The following ATAD2 variants were observed in gnomAD, a reference collection of about 807,000 sequenced individuals.
ATAD2 encodes ATPase family AAA domain-containing protein 2.
In ATAD2, 62 loss-of-function variants were observed where a neutral mutation model predicts 168.9. The ratio of observed to expected loss-of-function variants is 0.37; its 90% confidence interval spans 0.30 to 0.45. The LOEUF (loss-of-function observed/expected upper bound fraction) is 0.45. Among genes scored for constraint, ATAD2 ranks in the 20% least tolerant of loss-of-function variants. The probability of loss-of-function intolerance (pLI) is 1.00; values close to 1 mark genes in which losing one functional copy is unlikely to be tolerated. For missense variants in ATAD2, 1,419 were observed against 1,667.8 expected, an observed-to-expected ratio of 0.85 and a Z score of 2.60; for synonymous variants, 613 against 571.6, an observed-to-expected ratio of 1.07 and a Z score of -1.03.
chr8:123,403,185 G>A (rs993122506), intron 1 of ATAD2, among the ~76,000 whole-genome samples: 3 of 152,074 alleles, frequency 2.0e-5, no homozygotes, highest in African/African-American at 7.2e-5. Context: ...CACCTCCCAG[G>A]CTCAAGAGAT....
chr8:123,363,826 C>G (rs1828888959), intron 8 of ATAD2, among the ~76,000 whole-genome samples: 2 of 152,070 alleles, frequency 1.3e-5, no homozygotes, highest in African/African-American at 4.8e-5. Flanking sequence ...TTAGTAGGCT[C>G]AATTTACAGT....
intron 13 of ATAD2, among the ~76,000 whole-genome samples, chr8:123,355,607 C>G (rs10104406): frequency 6.6e-6 from 1 of 152,034 alleles, no homozygotes; most frequent in African/African-American, 2.4e-5. Context: ...TTTTGTTTAG[C>G]GCAGGCAATG....
intron 1 of ATAD2, 197 bp from the exon 2 acceptor site, chr8:123,380,874 A>G (rs1829474520): frequency 2.1e-5 from 12 of 563,748 alleles, no homozygotes; most frequent in Non-Finnish European, 3.7e-5. Flanking sequence ...AATGTCTATG[A>G]AGCAGCTAAT....
chr8:123,396,219 T>C lies in ATAD2; in HGVS notation c.139A>G (p.Lys47Glu). The C allele has an allele frequency of 6.3e-7, 1 of 1,596,172 alleles. No individual in the cohort carries two copies. Among genetic ancestry groups the C allele is most frequent in the South Asian group, 1.1e-5 (1 of 89,358 alleles). ...RRLRSAGAAQ[K>E]KPAATTAKAG... Reference sequence around the variant, plus strand: ...TTGGCTGTGGTCGCCGCGGGTTTCTTCTGCGCCGCGCCGGCCGAGCGGAGC... The same window carrying C: ...TTGGCTGTGGTCGCCGCGGGTTTCTCCTGCGCCGCGCCGGCCGAGCGGAGC... Residue 47 changes from lysine to glutamate, a missense_variant, in exon 1 of 28, where the codon AAG becomes GAG. By Grantham distance (56) the Lys-to-Glu change is moderately conservative. Coordinates refer to ENST00000287394, the MANE Select transcript of ATAD2 (RefSeq NM_014109.4).
At chr8:123,343,698 C>A (rs1828141027) in intron 19 of ATAD2, among the ~76,000 whole-genome samples, 1 of 152,084 alleles carries the variant, frequency 6.6e-6, no homozygotes, top group Non-Finnish European at 1.5e-5. Context: ...AAAAATAGTC[C>A]CTAATTTCAT....
At chr8:123,380,909 A>G (rs923803124) in intron 1 of ATAD2, 15 of 472,922 alleles carry the variant, frequency 3.2e-5, no homozygotes, top group African/African-American at 1.4e-4. Flanking sequence ...TTTATAGTTC[A>G]TAACAAGTAG....
In ATAD2 at chr8:123,321,987, C is replaced by CTT. The variant is rs869048943; in HGVS notation, c.4132-814_4132-813dup. ...ATAAAGGAAGATTAAGTACATAAGT[C>CTT]TTTTTTTTTTTTTTTTGTCATACAG... On this transcript the variant is annotated intron_variant, in intron 27 of 27. Transcript: ENST00000287394. 4.5e-4 allele frequency among the ~76,000 whole-genome samples: 61 copies of CTT among 136,470 alleles called. 1 individual carries two copies. The highest frequency in any genetic ancestry group is 1.6e-3 in the African/African-American group (55 of 35,128). 89.5% of individuals were successfully genotyped at this position (136,470 alleles called of 152,430 possible).
At chr8:123,324,219 C>T (rs566511352) in intron 26 of ATAD2, among the ~76,000 whole-genome samples, 88 of 152,240 alleles carry the variant, frequency 5.8e-4, no homozygotes, top group African/African-American at 2.0e-3. Flanking sequence ...TTCTTATTAG[C>T]TCTGCTACAT....
chr8:123,335,131 C>A (rs1248858597), intron 22 of ATAD2, among the ~76,000 whole-genome samples: 1 of 152,132 alleles, frequency 6.6e-6, no homozygotes, highest in South Asian at 2.1e-4. Flanking sequence ...TTAGGAGATT[C>A]TGATGTCCAC....
At chr8:123,321,303 T>G (rs1265573044) in intron 27 of ATAD2, 128 bp from the exon 28 acceptor site, 24 of 799,398 alleles carry the variant, frequency 3.0e-5, no homozygotes, top group Non-Finnish European at 4.4e-5. Flanking sequence ...ATAGTGAAAA[T>G]AAACATTCAG....
intron 13 of ATAD2, among the ~76,000 whole-genome samples, chr8:123,354,864 A>AAATATATATATATATATATATAT (rs1554644338): frequency 1.5e-5 from 1 of 64,710 alleles, no homozygotes; most frequent in African/African-American, 8.7e-5. Flanking sequence ...AAAAAAAAAA[A>AAATATATATATATATATATATAT]ATATATATAT....
intron 1 of ATAD2, among the ~76,000 whole-genome samples, chr8:123,412,186 CAG>C (rs1236852947): frequency 1.3e-5 from 2 of 152,194 alleles, no homozygotes; most frequent in Non-Finnish European, 2.9e-5. Context: ...GCCTGGGTAA[CAG>C]ATATTGCAGA....
At chr8:123,403,686 G>T (rs1237466292) in intron 1 of ATAD2, among the ~76,000 whole-genome samples, 1 of 152,142 alleles carries the variant, frequency 6.6e-6, no homozygotes, top group Admixed American at 6.5e-5. Context: ...TCTTTGGTGA[G>T]AATGATTGGA....
chr8:123,389,193 G>C (rs1166424162), intron 1 of ATAD2, among the ~76,000 whole-genome samples: 1 of 139,360 alleles, frequency 7.2e-6, no homozygotes, highest in Non-Finnish European at 1.6e-5. Context: ...AGCCAGGATG[G>C]TCTCGATCTC....
intron 26 of ATAD2, among the ~76,000 whole-genome samples, chr8:123,323,764 T>G (rs1230549609): frequency 6.6e-6 from 1 of 152,128 alleles, no homozygotes; most frequent in Non-Finnish European, 1.5e-5. Flanking sequence ...TCCAACTACA[T>G]CCTTTATACA....
chr8:123,356,354 G>A, intron 13 of ATAD2, 35 bp downstream of exon 13: 2 of 1,530,090 alleles, frequency 1.3e-6, no homozygotes, highest in Non-Finnish European at 1.8e-6. Flanking sequence ...CAGGAAATAG[G>A]AAGAAACGTT....
intron 26 of ATAD2, 23 bp from the exon 27 acceptor site, chr8:123,323,089 A>G (rs1208164894): frequency 3.8e-6 from 6 of 1,599,080 alleles, no homozygotes; most frequent in Non-Finnish European, 5.1e-6. Context: ...ATGAGTGTCA[A>G]TATGTGTGAG....
At chr8:123,372,223 G>T (rs1304248875) in intron 3 of ATAD2, among the ~76,000 whole-genome samples, 2 of 152,192 alleles carry the variant, frequency 1.3e-5, no homozygotes, top group African/African-American at 4.8e-5. Flanking sequence ...AAGCAATTAT[G>T]ATGAGTTGCA....
intron 9 of ATAD2, 48 bp from the exon 10 acceptor site, chr8:123,359,733 T>A (rs781265961): frequency 9.5e-6 from 12 of 1,268,518 alleles, no homozygotes; most frequent in South Asian, 9.3e-5. Context: ...CAACTCACCC[T>A]CCTTCCCAAA....
Sources: allele counts gnomAD v4.1 joint callset (sites outside exome capture counted in the v4.1 genomes callset), GRCh38; gene constraint gnomAD v4.1.1; transcripts MANE v1.5; gene names NCBI Gene and HGNC (gene_info 2026-07-23, HGNC 2026-07-21).